Variants in METTL15 observed in about 807,000 individuals in gnomAD.
METTL15 encodes the protein 12S rRNA N(4)-cytidine methyltransferase METTL15.
METTL15 carries 34 observed loss-of-function variants against 38.3 expected under a neutral mutation model. The ratio of observed to expected loss-of-function variants is 0.89; its 90% confidence interval spans 0.68 to 1.18. The LOEUF (loss-of-function observed/expected upper bound fraction) is 1.18, where lower values mean the gene tolerates loss of function less well. Ranked by LOEUF, METTL15 falls within the 50% of genes most tolerant of loss-of-function variation. The pLI is 0.00. For synonymous variants in METTL15, 162 were observed against 170.9 expected, an observed-to-expected ratio of 0.95 and a Z score of 0.41; for missense variants, 438 against 498.4, an observed-to-expected ratio of 0.88 and a Z score of 1.15.
chr11:28,312,787 C>T (rs1358342729), intron 6 of METTL15, among the ~76,000 whole-genome samples: 2 of 152,120 alleles, frequency 1.3e-5, no homozygotes, highest in Non-Finnish European at 2.9e-5. Context: ...GGGGGCCCAA[C>T]TCATCCTCTT....
intron 6 of METTL15, among the ~76,000 whole-genome samples, chr11:28,522,826 T>C (rs1315921669): frequency 2.6e-5 from 4 of 152,208 alleles, no homozygotes; most frequent in Non-Finnish European, 1.5e-5. Flanking sequence ...AAGCTACATA[T>C]GTGTCTGGCA....
chr11:28,237,364 A>G (rs1336764157), intron 4 of METTL15, among the ~76,000 whole-genome samples: 1 of 151,768 alleles, frequency 6.6e-6, no homozygotes, highest in Non-Finnish European at 1.5e-5. Context: ...ATCTTCCATC[A>G]CTGATACCCT....
At chr11:28,495,781 G>GAA (rs112186450) in intron 6 of METTL15, among the ~76,000 whole-genome samples, 1 of 133,590 alleles carries the variant, frequency 7.5e-6, no homozygotes, top group Non-Finnish European at 1.6e-5. Flanking sequence ...TTTTTTGATA[G>GAA]AAAAAAAAAA....
At chr11:28,227,014 G>A (rs1041829814) in intron 4 of METTL15, among the ~76,000 whole-genome samples, 5 of 151,916 alleles carry the variant, frequency 3.3e-5, no homozygotes, top group East Asian at 1.9e-4. Context: ...AAAACATTAC[G>A]AAAATAGGAT....
At chr11:28,298,442 G>T (rs989794129) in intron 6 of METTL15, among the ~76,000 whole-genome samples, 1 of 152,074 alleles carries the variant, frequency 6.6e-6, no homozygotes, top group Admixed American at 6.6e-5. Flanking sequence ...GGAAACTGAG[G>T]CTCAGGGAGG....
chr11:28,334,889 T>G (rs888983348), downstream of METTL15, among the ~76,000 whole-genome samples: 1 of 152,176 alleles, frequency 6.6e-6, no homozygotes, highest in Admixed American at 6.5e-5. Context: ...CCTCACTTCC[T>G]TCTCATAATC....
At chr11:28,458,265 G>C (rs1463299276) in intron 6 of METTL15, among the ~76,000 whole-genome samples, 1 of 152,068 alleles carries the variant, frequency 6.6e-6, no homozygotes, top group East Asian at 1.9e-4. Context: ...ATGGACAAAT[G>C]GCCTTGTTTA....
intron 6 of METTL15, among the ~76,000 whole-genome samples, chr11:28,433,331 G>C (rs1437324645): frequency 6.6e-6 from 1 of 152,088 alleles, no homozygotes; most frequent in East Asian, 1.9e-4. Context: ...TGGGGAGCTA[G>C]CAAGTATCCC....
At chr11:28,485,943 A>C (rs1851434609) in intron 6 of METTL15, among the ~76,000 whole-genome samples, 1 of 152,092 alleles carries the variant, frequency 6.6e-6, no homozygotes, top group Non-Finnish European at 1.5e-5. Context: ...TCTTCTTTTT[A>C]TAAGGCCACT....
chr11:28,274,822 A>T (rs1855778970), intron 4 of METTL15, among the ~76,000 whole-genome samples: 2 of 151,942 alleles, frequency 1.3e-5, no homozygotes, highest in South Asian at 4.2e-4. Flanking sequence ...GCATTAGGAG[A>T]TATACCTAAT....
At chr11:28,386,617 G>A (rs763023983) in intron 5 of METTL15, among the ~76,000 whole-genome samples, 2 of 151,878 alleles carry the variant, frequency 1.3e-5, no homozygotes, top group Admixed American at 6.6e-5. Context: ...ATGATAACAC[G>A]TTAATATTAG....
intron 6 of METTL15, among the ~76,000 whole-genome samples, chr11:28,440,597 A>C (rs541069020): frequency 4.6e-5 from 7 of 152,204 alleles, no homozygotes; most frequent in Admixed American, 1.3e-4. Context: ...AATGGGAATA[A>C]TGTTCATAGC....
chr11:28,166,469 C>G (rs1385713669), intron 3 of METTL15, among the ~76,000 whole-genome samples: 1 of 152,100 alleles, frequency 6.6e-6, no homozygotes, highest in Non-Finnish European at 1.5e-5. Flanking sequence ...AATTTCCTAG[C>G]CTGTTTTATG....
intron 3 of METTL15, among the ~76,000 whole-genome samples, chr11:28,151,766 T>A (rs955032655): frequency 6.6e-6 from 1 of 152,060 alleles, no homozygotes; most frequent in Non-Finnish European, 1.5e-5. Context: ...TCAATAACAG[T>A]TTATTGCATT....
chr11:28,149,201 T>C (rs906497718), intron 3 of METTL15, among the ~76,000 whole-genome samples: 2 of 151,940 alleles, frequency 1.3e-5, no homozygotes, highest in Non-Finnish European at 2.9e-5. Context: ...TTTTTTTTTT[T>C]TTTAGCCATT....
At chr11:28,531,885 C>A (rs1322273085), downstream of METTL15, among the ~76,000 whole-genome samples, 1 of 152,016 alleles carries the variant, frequency 6.6e-6, no homozygotes, top group East Asian at 1.9e-4. Context: ...CAAGAGCAAT[C>A]TAAGTGGTTT....
At chr11:28,412,176 C>T (rs1021050053) in intron 5 of METTL15, among the ~76,000 whole-genome samples, 16 of 151,964 alleles carry the variant, frequency 1.1e-4, no homozygotes, top group Non-Finnish European at 1.8e-4. Flanking sequence ...TTATGGAAAA[C>T]TGTAGGGAGT....
chr11:28,392,369 A>T (rs556003930), intron 5 of METTL15, among the ~76,000 whole-genome samples: 1 of 152,150 alleles, frequency 6.6e-6, no homozygotes, highest in Admixed American at 6.6e-5. Flanking sequence ...AACAGTGTAG[A>T]ATTGGTATAA....
chr11:28,207,083 A>G (rs980886723), intron 3 of METTL15, among the ~76,000 whole-genome samples: 1 of 145,622 alleles, frequency 6.9e-6, no homozygotes, highest in African/African-American at 2.6e-5. Context: ...TTCTTTTCCT[A>G]ATTGAATACC....
Sources: gnomAD v4.1 joint callset for allele counts (sites outside exome capture counted in the v4.1 genomes callset) on GRCh38, gnomAD v4.1.1 for gene constraint, MANE v1.5 for transcripts, NCBI Gene and HGNC (gene_info 2026-07-23, HGNC 2026-07-21) for gene names.